The following NRG3 variants were observed in gnomAD, a reference collection of about 807,000 sequenced individuals.
The protein encoded by NRG3 is neuregulin 3.
NRG3 carries 31 observed loss-of-function variants against 66.9 expected under a neutral mutation model. That is an observed-to-expected ratio of 0.46 (90% CI 0.35 to 0.63). The LOEUF is 0.63. NRG3 is among the 20% of genes least tolerant of loss of function. The probability of loss-of-function intolerance (pLI) is 0.00; values close to 1 mark genes in which losing one functional copy is unlikely to be tolerated. For missense variants in NRG3, 910 were observed against 878.9 expected (o/e 1.04, Z -0.45); for synonymous variants, 393 against 359.4 (o/e 1.09, Z -1.06).
At chr10:81,929,369 C>T (rs4933813) in intron 1 of NRG3, among the ~76,000 whole-genome samples, 75,371 of 151,988 alleles carry the variant, frequency 0.5, 22,002 homozygotes, top group East Asian at 0.81. Flanking sequence ...CATAATAATC[C>T]TTTGAGAAAC....
chr10:81,906,114 T>C (rs1844582186), intron 1 of NRG3, among the ~76,000 whole-genome samples: 1 of 152,210 alleles, frequency 6.6e-6, no homozygotes, highest in African/African-American at 2.4e-5. Flanking sequence ...AAGAATTTAA[T>C]GGCTGTTGCA....
In NRG3 at chr10:82,210,922, T is replaced by TAAAAA. The variant is rs34245469; in HGVS notation, c.824-147806_824-147802dup. 2.0e-3 allele frequency among the ~76,000 whole-genome samples: 267 copies of TAAAAA among 132,112 alleles called. 2 individuals are homozygous for TAAAAA. Among genetic ancestry groups the TAAAAA allele is most frequent in the African/African-American group, 6.6e-3 (243 of 36,826 alleles). The allele number at this position is 132,112 out of a possible 152,430, so 86.7% of individuals were successfully genotyped here. A position where few individuals can be genotyped will look rare whatever the true frequency, so the allele number is the denominator to read the frequency against. ...GCATTTGCATTTCATTGGAACTTGG[T>TAAAAA]AAAAAAAAAAAAAAAGGCTGCATAT... On this transcript the variant is annotated intron_variant, in intron 1 of 8. Transcript: ENST00000372141.
intron 1 of NRG3, among the ~76,000 whole-genome samples, chr10:82,194,659 GC>G (rs1333433712): frequency 2.6e-5 from 4 of 152,148 alleles, no homozygotes; most frequent in Admixed American, 1.3e-4. Flanking sequence ...TGAGCAGACA[GC>G]AACAACTGCT....
At chr10:82,222,832 G>C (rs1009150650) in intron 1 of NRG3, among the ~76,000 whole-genome samples, 16 of 152,122 alleles carry the variant, frequency 1.1e-4, no homozygotes, top group African/African-American at 3.1e-4. Flanking sequence ...TTTCTAGTAT[G>C]ATTTTCCGTG....
rs541924770 is a variant in NRG3 at position 82,405,566 on chromosome 10, C to T, written c.953+46698C>T. ...CCCCCTCCTGGGTTCAAGTGATTCT[C>T]ATGCCTCAACCTCCTGATGCACACC... On this transcript the variant is annotated intron_variant, in intron 2 of 8. Coordinates refer to ENST00000372141, the MANE Select transcript of NRG3 (RefSeq NM_001010848.4). Among the ~76,000 whole-genome samples the T allele has an allele frequency of 2.0e-5, 3 of 149,172 alleles. No individual in the cohort carries two copies. The East Asian group carries it at 6.2e-4, about 31-fold the overall frequency.
At chr10:82,409,202 C>T (rs1315275869) in intron 2 of NRG3, among the ~76,000 whole-genome samples, 1 of 152,126 alleles carries the variant, frequency 6.6e-6, no homozygotes, top group Non-Finnish European at 1.5e-5. Flanking sequence ...TAAAGTAAAG[C>T]ATTTCTGAAT....
intron 2 of NRG3, among the ~76,000 whole-genome samples, chr10:82,465,339 C>T (rs76186948): frequency 0.023 from 3,568 of 152,196 alleles, 127 homozygotes; most frequent in African/African-American, 0.075. Context: ...GTTGTCTAAA[C>T]GAAGAATTCC....
At chr10:82,029,244 C>A (rs1252137004) in intron 1 of NRG3, among the ~76,000 whole-genome samples, 1 of 151,952 alleles carries the variant, frequency 6.6e-6, no homozygotes, top group Non-Finnish European at 1.5e-5. Context: ...CTCTGATACC[C>A]ATCGTTACCA....
chr10:82,842,633 G>A (rs141146958), intron 3 of NRG3, among the ~76,000 whole-genome samples: 195 of 152,288 alleles, frequency 1.3e-3, no homozygotes, highest in Non-Finnish European at 1.5e-3. Context: ...AGCTCATACA[G>A]TAGTTCCTGC....
At chr10:81,895,184 A>C (rs1843403749) in intron 1 of NRG3, among the ~76,000 whole-genome samples, 1 of 152,158 alleles carries the variant, frequency 6.6e-6, no homozygotes, top group African/African-American at 2.4e-5. Context: ...AAACTGATTA[A>C]TTTGATTTGG....
intron 1 of NRG3, among the ~76,000 whole-genome samples, chr10:81,938,339 G>A (rs1224644174): frequency 6.6e-6 from 1 of 151,082 alleles, no homozygotes; most frequent in East Asian, 1.9e-4. Context: ...ACAATATTAA[G>A]TCTTACAATC....
rs79863730 is a variant in NRG3, at chr10:82,417,716, A to G, written c.953+58848A>G. On this transcript the variant is annotated intron_variant, in intron 2 of 8. Transcript: ENST00000372141. ...CAGTCAGCGAAATGGTGGATTCTGAATACAAATGAACACAATGAGGCTCCA... is the reference window on the plus strand; with the variant it reads ...CAGTCAGCGAAATGGTGGATTCTGAGTACAAATGAACACAATGAGGCTCCA... Among the ~76,000 whole-genome samples the G allele has an allele frequency of 1.1e-4, 16 of 152,328 alleles. No individual in the cohort carries two copies. In the East Asian group the frequency reaches 2.9e-3, roughly 28 times the overall value.
intron 3 of NRG3, among the ~76,000 whole-genome samples, chr10:82,818,705 C>T (rs79339219): frequency 6.6e-6 from 1 of 152,086 alleles, no homozygotes; most frequent in Non-Finnish European, 1.5e-5. Flanking sequence ...CTGCACAGAT[C>T]GATCTGAGTG....
At chr10:82,924,049 A>C (rs1402750166) in intron 4 of NRG3, among the ~76,000 whole-genome samples, 2 of 142,188 alleles carry the variant, frequency 1.4e-5, no homozygotes, top group Non-Finnish European at 3.0e-5. Context: ...AGATCATGCC[A>C]GTGTACTCCA....
chr10:81,976,428 T>C (rs1051255545), intron 1 of NRG3, among the ~76,000 whole-genome samples: 1 of 152,230 alleles, frequency 6.6e-6, no homozygotes. Context: ...ACAGACTTTA[T>C]GCTAGATGCT....
chr10:82,186,613 A>T (rs918806068), intron 1 of NRG3, among the ~76,000 whole-genome samples: 3 of 152,172 alleles, frequency 2.0e-5, no homozygotes, highest in Non-Finnish European at 4.4e-5. Flanking sequence ...CATTGTACAG[A>T]TGAGGACCTT....
chr10:82,268,128 A>G (rs2078400463), intron 1 of NRG3, among the ~76,000 whole-genome samples: 1 of 152,170 alleles, frequency 6.6e-6, no homozygotes, highest in African/African-American at 2.4e-5. Flanking sequence ...TGGAAAGTGG[A>G]AAGTAGAAAT....
chr10:82,946,577 G>A, intron 4 of NRG3, among the ~76,000 whole-genome samples: 1 of 151,792 alleles, frequency 6.6e-6, no homozygotes, highest in Non-Finnish European at 1.5e-5. Flanking sequence ...CAAACAGCAT[G>A]TTTCAAGACT....
At chr10:82,103,569 T>A (rs2066887899) in intron 1 of NRG3, among the ~76,000 whole-genome samples, 1 of 152,142 alleles carries the variant, frequency 6.6e-6, no homozygotes. Flanking sequence ...GTATTTTATA[T>A]CATATTTTTA....
Sources: allele counts gnomAD v4.1 joint callset (sites outside exome capture counted in the v4.1 genomes callset), GRCh38; gene constraint gnomAD v4.1.1; transcripts MANE v1.5; gene names NCBI Gene and HGNC (gene_info 2026-07-23, HGNC 2026-07-21).